Variants in MTUS2 observed in about 807,000 individuals in gnomAD.
The protein encoded by MTUS2 is microtubule-associated tumor suppressor candidate 2.
MTUS2 carries 40 observed loss-of-function variants against 114.1 expected under a neutral mutation model. The ratio of observed to expected loss-of-function variants is 0.35; its 90% confidence interval spans 0.27 to 0.46. MTUS2 has a LOEUF of 0.46. Ranked by LOEUF, MTUS2 falls within the 20% of genes least tolerant of loss-of-function variation. The pLI is 1.00. For synonymous variants in MTUS2, 688 were observed against 672.0 expected, an observed-to-expected ratio of 1.02 and a Z score of -0.37; for missense variants, 1,679 against 1,705.4, an observed-to-expected ratio of 0.98 and a Z score of 0.27.
intron 4 of MTUS2, among the ~76,000 whole-genome samples, chr13:29,093,368 A>C (rs2138787417): frequency 6.6e-6 from 1 of 152,196 alleles, no homozygotes; most frequent in African/African-American, 2.4e-5. Context: ...ACTTGAACCT[A>C]GGAGGTGGAA....
At chr13:29,396,991 T>C (rs1467337189) in intron 8 of MTUS2, among the ~76,000 whole-genome samples, 2 of 152,206 alleles carry the variant, frequency 1.3e-5, no homozygotes, top group Admixed American at 6.5e-5. Context: ...GACAGGGTTC[T>C]TGAAGCACAT....
chr13:28,943,758 C>T (rs577496330), intron 2 of MTUS2, among the ~76,000 whole-genome samples: 1 of 152,190 alleles, frequency 6.6e-6, no homozygotes, highest in East Asian at 1.9e-4. Context: ...ATGGCAAGAG[C>T]ACCGGATGCA....
intron 1 of MTUS2, among the ~76,000 whole-genome samples, chr13:28,827,984 C>T (rs1351173210): frequency 1.3e-5 from 2 of 152,156 alleles, no homozygotes; most frequent in Non-Finnish European, 2.9e-5. Flanking sequence ...GAGCAGACAA[C>T]TAGTCTGACC....
intron 8 of MTUS2, among the ~76,000 whole-genome samples, chr13:29,429,717 A>G (rs1876845617): frequency 6.6e-6 from 1 of 152,246 alleles, no homozygotes; most frequent in African/African-American, 2.4e-5. Context: ...TACAAGATGC[A>G]TGAAATGGGA....
At chr13:28,968,245 T>A (rs1883690449) in intron 2 of MTUS2, among the ~76,000 whole-genome samples, 1 of 152,204 alleles carries the variant, frequency 6.6e-6, no homozygotes, top group South Asian at 2.1e-4. Context: ...CAAAATATAT[T>A]TCATACTGTG....
At chr13:28,826,539 G>A (rs1593225124) in intron 1 of MTUS2, among the ~76,000 whole-genome samples, 2 of 152,154 alleles carry the variant, frequency 1.3e-5, no homozygotes, top group African/African-American at 4.8e-5. Context: ...AAACAAAAGA[G>A]TGTTTACACA....
intron 2 of MTUS2, among the ~76,000 whole-genome samples, chr13:28,937,464 T>G (rs1358846090): frequency 6.6e-6 from 1 of 152,010 alleles, no homozygotes; most frequent in East Asian, 1.9e-4. Flanking sequence ...TGTGGAAGCT[T>G]TGTTCTTTCG....
rs544386508 is a variant in MTUS2, at chr13:29,125,869, G to A, written c.2644+24899G>A. Among the ~76,000 whole-genome samples the A allele has an allele frequency of 8.8e-4, 134 of 152,322 alleles. 5 individuals are homozygous for A. In the South Asian group the frequency reaches 0.026, roughly 29 times the overall value. ...ACAGACTTAAATGAGACAGCTTTCTGTTTGAGGCATCCCCTTACTGAATTC... is the reference window on the plus strand; with the variant it reads ...ACAGACTTAAATGAGACAGCTTTCTATTTGAGGCATCCCCTTACTGAATTC... On this transcript the variant is annotated intron_variant, in intron 5 of 15. Transcript: ENST00000612955.
intron 2 of MTUS2, among the ~76,000 whole-genome samples, chr13:28,990,724 G>A (rs963338232): frequency 6.6e-6 from 1 of 152,138 alleles, no homozygotes; most frequent in African/African-American, 2.4e-5. Context: ...AATAAAAGCT[G>A]GCCACCCCAG....
intron 4 of MTUS2, among the ~76,000 whole-genome samples, chr13:29,059,002 G>A (rs1176525647): frequency 6.6e-6 from 1 of 151,948 alleles, no homozygotes. Flanking sequence ...ATTGGTTTCA[G>A]CTTTTTCCCA....
At position 29,389,399 on chromosome 13, in the gene MTUS2, A is replaced by ATACACGTGTGTG. The variant is rs1566172853; in HGVS notation, c.3117+29928_3117+29929insCACGTGTGTGTA. ...TATATATGTATACACGTGTGTGTAT[A>ATACACGTGTGTG]TATGTATACACGTGTGTGTGTATGT... On this transcript the variant is annotated intron_variant, in intron 8 of 15. Transcript: ENST00000612955. Among the ~76,000 whole-genome samples, 55 of 67,970 alleles carry ATACACGTGTGTG rather than the reference A, an allele frequency of 8.1e-4. 2 individuals are homozygous for ATACACGTGTGTG. The highest frequency in any genetic ancestry group is 1.9e-3 in the African/African-American group (24 of 12,948). 44.6% of individuals were successfully genotyped at this position (67,970 alleles called of 152,430 possible).
chr13:29,342,443 G>T (rs1367722341), intron 7 of MTUS2, among the ~76,000 whole-genome samples: 1 of 152,046 alleles, frequency 6.6e-6, no homozygotes, highest in Admixed American at 6.5e-5. Flanking sequence ...TTGAGTTCTT[G>T]ATTTGATTGT....
At chr13:29,484,707 G>A (rs978950694) in intron 10 of MTUS2, among the ~76,000 whole-genome samples, 1 of 152,246 alleles carries the variant, frequency 6.6e-6, no homozygotes, top group African/African-American at 2.4e-5. Context: ...GGGCGCAAAT[G>A]GGAGTTTAAT....
chr13:28,867,276 A>T (rs1392782753), intron 2 of MTUS2, among the ~76,000 whole-genome samples: 1 of 152,236 alleles, frequency 6.6e-6, no homozygotes, highest in African/African-American at 2.4e-5. Flanking sequence ...GCCCTTGGGA[A>T]TATGTAACCA....
intron 5 of MTUS2, among the ~76,000 whole-genome samples, chr13:29,147,963 T>C (rs751221750): frequency 6.6e-6 from 1 of 152,210 alleles, no homozygotes; most frequent in Non-Finnish European, 1.5e-5. Flanking sequence ...GTTCCAGTAA[T>C]GGGATTGCTG....
chr13:29,260,403 G>T (rs186586665), intron 5 of MTUS2, among the ~76,000 whole-genome samples: 4 of 152,336 alleles, frequency 2.6e-5, no homozygotes, highest in Admixed American at 2.6e-4. Flanking sequence ...GAAAGCAGAA[G>T]AGGCACTACT....
chr13:29,322,350 A>G (rs1900288236), intron 6 of MTUS2, among the ~76,000 whole-genome samples: 1 of 152,156 alleles, frequency 6.6e-6, no homozygotes. Context: ...TTAGCCATAT[A>G]GTGGGTACCC....
chr13:28,883,560 C>G (rs906736891), intron 2 of MTUS2, among the ~76,000 whole-genome samples: 1 of 151,992 alleles, frequency 6.6e-6, no homozygotes, highest in African/African-American at 2.4e-5. Flanking sequence ...AGGTTAAATA[C>G]TATATGATTC....
At chr13:29,366,821 T>G (rs7329572) in intron 8 of MTUS2, among the ~76,000 whole-genome samples, 1 of 151,766 alleles carries the variant, frequency 6.6e-6, no homozygotes, top group East Asian at 2.0e-4. Flanking sequence ...TCTCCTTGGT[T>G]CCTTTGGCGT....
Sources: allele counts gnomAD v4.1 joint callset (sites outside exome capture counted in the v4.1 genomes callset), GRCh38; gene constraint gnomAD v4.1.1; transcripts MANE v1.5; gene names NCBI Gene and HGNC (gene_info 2026-07-23, HGNC 2026-07-21).